CSMD1: variants seen among roughly 807,000 people sequenced by gnomAD.
CSMD1 encodes CUB and Sushi multiple domains 1.
Under a neutral mutation model 417.5 loss-of-function variants are expected in CSMD1, and 213 were observed. The ratio of observed to expected loss-of-function variants is 0.51; its 90% CI spans 0.46 to 0.57. The LOEUF (loss-of-function observed/expected upper bound fraction) is 0.57, where lower values mean the gene tolerates loss of function less well. Among genes scored for constraint, CSMD1 ranks in the 20% least tolerant of loss-of-function variants. The probability of loss-of-function intolerance (pLI) is 0.00; values close to 1 mark genes in which losing one functional copy is unlikely to be tolerated. For synonymous variants in CSMD1, 2,862 were observed against 1,736.8 expected (o/e 1.65, Z -16.11); for missense variants, 6,923 against 4,529.7 (o/e 1.53, Z -15.17).
intron 6 of CSMD1, among the ~76,000 whole-genome samples, chr8:3,744,763 C>G (rs1796984431): frequency 6.6e-6 from 1 of 152,146 alleles, no homozygotes; most frequent in African/African-American, 2.4e-5. Flanking sequence ...TAGGTACTCT[C>G]AAGACTTGGT....
At chr8:4,593,270 G>T (rs1800081300) in intron 2 of CSMD1, among the ~76,000 whole-genome samples, 2 of 152,152 alleles carry the variant, frequency 1.3e-5, no homozygotes, top group African/African-American at 2.4e-5. Flanking sequence ...GCGTTAATAT[G>T]ATTTCCCCAT....
At chr8:3,766,887 G>A (rs532621105) in intron 5 of CSMD1, among the ~76,000 whole-genome samples, 2 of 152,082 alleles carry the variant, frequency 1.3e-5, no homozygotes, top group Non-Finnish European at 2.9e-5. Flanking sequence ...TCACTTGATA[G>A]ACTGACGCAG....
intron 2 of CSMD1, among the ~76,000 whole-genome samples, chr8:4,584,145 C>A (rs1205515439): frequency 6.6e-6 from 1 of 152,036 alleles, no homozygotes; most frequent in Non-Finnish European, 1.5e-5. Flanking sequence ...GAACAAACTC[C>A]AGACGCGCCA....
intron 5 of CSMD1, among the ~76,000 whole-genome samples, chr8:3,986,960 G>C (rs570418710): frequency 2.6e-5 from 4 of 152,238 alleles, no homozygotes; most frequent in South Asian, 4.2e-4. Context: ...TCACCATGCA[G>C]TTCAGGCTGT....
chr8:3,255,323 C>CAGGG (rs1800571786), intron 26 of CSMD1, among the ~76,000 whole-genome samples: 1 of 152,114 alleles, frequency 6.6e-6, no homozygotes, highest in East Asian at 1.9e-4. Flanking sequence ...GACAGGGACC[C>CAGGG]ACTTGAGGAG....
At chr8:3,303,148 AT>A (rs1446377806) in intron 25 of CSMD1, among the ~76,000 whole-genome samples, 1 of 152,224 alleles carries the variant, frequency 6.6e-6, no homozygotes, top group African/African-American at 2.4e-5. Flanking sequence ...GAAATTGGAC[AT>A]GCTTTTATTC....
At chr8:3,413,403 C>G (rs372942873) in intron 12 of CSMD1, among the ~76,000 whole-genome samples, 146 of 152,244 alleles carry the variant, frequency 9.6e-4, no homozygotes, top group African/African-American at 3.4e-3. Context: ...ACCAAAGAGG[C>G]TGATGTTTGT....
At chr8:4,115,944 A>C (rs1365300788) in intron 3 of CSMD1, among the ~76,000 whole-genome samples, 1 of 151,888 alleles carries the variant, frequency 6.6e-6, no homozygotes, top group Non-Finnish European at 1.5e-5. Context: ...GTAAACACCA[A>C]GAAAACAGGG....
intron 7 of CSMD1, among the ~76,000 whole-genome samples, chr8:3,622,456 T>A (rs558853932): frequency 1.3e-5 from 2 of 152,232 alleles, no homozygotes; most frequent in African/African-American, 4.8e-5. Context: ...TTTCTATTTT[T>A]CTCACAAGGA....
intron 1 of CSMD1, among the ~76,000 whole-genome samples, chr8:4,912,608 C>A (rs1013661893): frequency 6.6e-6 from 1 of 152,154 alleles, no homozygotes; most frequent in Non-Finnish European, 1.5e-5. Context: ...CCTATTTTAG[C>A]TCAAGTTTGT....
chr8:3,000,084 C>T lies in CSMD1; in HGVS notation c.8077G>A (p.Gly2693Arg). Residue 2693 changes from glycine to arginine, a missense_variant, in exon 53 of 70, where the codon GGA becomes AGA. Transcript: ENST00000635120. ...PDPIVNGHISGDGFSYRDTVV... is the reference protein window; with the variant it reads ...PDPIVNGHISRDGFSYRDTVV... ...GTGTCTCTGTAACTGAAGCCATCTCCACTAATGTGACCGTTCACAATCGGG... is the reference window on the plus strand; with the variant it reads ...GTGTCTCTGTAACTGAAGCCATCTCTACTAATGTGACCGTTCACAATCGGG... The T allele has an allele frequency of 6.3e-7, 1 of 1,591,964 alleles. No individual in the cohort carries two copies.
chr8:3,525,267 C>G (rs911136443), intron 10 of CSMD1, among the ~76,000 whole-genome samples: 3 of 152,074 alleles, frequency 2.0e-5, no homozygotes, highest in Non-Finnish European at 2.9e-5. Context: ...CTTAAAAGCA[C>G]TCAGGAACTT....
intron 69 of CSMD1, among the ~76,000 whole-genome samples, chr8:2,942,080 G>C (rs1049190205): frequency 6.6e-6 from 1 of 152,176 alleles, no homozygotes; most frequent in Non-Finnish European, 1.5e-5. Context: ...AGCATTGTTA[G>C]TCCAAGAAAG....
chr8:3,460,998 A>G (rs1309288689), intron 12 of CSMD1, among the ~76,000 whole-genome samples: 1 of 152,182 alleles, frequency 6.6e-6, no homozygotes, highest in Non-Finnish European at 1.5e-5. Context: ...ATTAAATGGA[A>G]TGGCAGTCCT....
chr8:3,536,992 C>A (rs1798229231), intron 10 of CSMD1, among the ~76,000 whole-genome samples: 1 of 152,026 alleles, frequency 6.6e-6, no homozygotes, highest in Non-Finnish European at 1.5e-5. Flanking sequence ...AGGTCAAACT[C>A]TTTTTTTCTT....
intron 3 of CSMD1, among the ~76,000 whole-genome samples, chr8:4,049,260 T>G (rs1191977675): frequency 6.6e-6 from 1 of 152,062 alleles, no homozygotes; most frequent in African/African-American, 2.4e-5. Context: ...GCATTTTGTA[T>G]GAAATAATTA....
intron 3 of CSMD1, among the ~76,000 whole-genome samples, chr8:4,388,303 T>TACACACACACACACAC (rs748455037): frequency 8.5e-6 from 1 of 117,136 alleles, no homozygotes; most frequent in Non-Finnish European, 1.7e-5. Flanking sequence ...GAAACTGTGA[T>TACACACACACACACAC]ACACACACAC....
intron 10 of CSMD1, among the ~76,000 whole-genome samples, chr8:3,520,061 G>T (rs1797444165): frequency 7.5e-6 from 1 of 132,608 alleles, no homozygotes; most frequent in African/African-American, 3.4e-5. Context: ...TGTGAAACTT[G>T]CTCCACAGTA....
chr8:3,255,180 C>T (rs1269318588), intron 26 of CSMD1, among the ~76,000 whole-genome samples: 2 of 152,156 alleles, frequency 1.3e-5, no homozygotes, highest in Non-Finnish European at 2.9e-5. Context: ...GGCTGCAGAG[C>T]AGTGGATATT....
Sources: allele counts gnomAD v4.1 joint callset (sites outside exome capture counted in the v4.1 genomes callset), GRCh38; gene constraint gnomAD v4.1.1; transcripts MANE v1.5; gene names NCBI Gene and HGNC (gene_info 2026-07-23, HGNC 2026-07-21).